Variants in PTPRD observed in about 807,000 individuals in gnomAD.
PTPRD encodes the protein protein tyrosine phosphatase receptor type D.
PTPRD carries 34 observed loss-of-function variants against 214.5 expected under a neutral mutation model. The observed-to-expected ratio is 0.16, with a 90% CI of 0.12 to 0.21. PTPRD has a LOEUF of 0.21. PTPRD is among the 10% of genes least tolerant of loss of function. The pLI, the probability that PTPRD is intolerant of heterozygous loss-of-function variation, is 1.00. For missense variants in PTPRD, 2,545 were observed against 2,398.7 expected (o/e 1.06, Z -1.27); for synonymous variants, 1,128 against 845.7 (o/e 1.33, Z -5.79).
At chr9:9,785,866 G>C (rs923029857) in intron 5 of PTPRD, among the ~76,000 whole-genome samples, 2 of 152,038 alleles carry the variant, frequency 1.3e-5, no homozygotes, top group Non-Finnish European at 2.9e-5. Context: ...CACAATTCCT[G>C]CTAGTCAATA....
At chr9:10,173,466 T>C (rs959630494) in intron 3 of PTPRD, among the ~76,000 whole-genome samples, 1 of 152,184 alleles carries the variant, frequency 6.6e-6, no homozygotes, top group Non-Finnish European at 1.5e-5. Context: ...CATACTGTTA[T>C]GATCTCATCA....
At chr9:9,895,027 G>C (rs1426254046) in intron 5 of PTPRD, among the ~76,000 whole-genome samples, 2 of 151,924 alleles carry the variant, frequency 1.3e-5, no homozygotes, top group Non-Finnish European at 1.5e-5. Flanking sequence ...GTACACAATG[G>C]GTTGAAATAA....
intron 9 of PTPRD, among the ~76,000 whole-genome samples, chr9:9,365,679 G>C (rs1436672138): frequency 1.3e-5 from 2 of 151,322 alleles, no homozygotes; most frequent in Non-Finnish European, 3.0e-5. Flanking sequence ...TATTAAATGG[G>C]CTTAAATAGA....
At chr9:9,998,944 T>C (rs1195321413) in intron 4 of PTPRD, among the ~76,000 whole-genome samples, 1 of 152,186 alleles carries the variant, frequency 6.6e-6, no homozygotes, top group Non-Finnish European at 1.5e-5. Flanking sequence ...ATCCTCAGTT[T>C]TTTTTCCTTC....
intron 11 of PTPRD, among the ~76,000 whole-genome samples, chr9:8,742,397 T>C (rs1316186733): frequency 6.6e-6 from 1 of 152,198 alleles, no homozygotes; most frequent in African/African-American, 2.4e-5. Context: ...CTTGGCATTT[T>C]TCAAGAATAC....
intron 2 of PTPRD, among the ~76,000 whole-genome samples, chr9:10,588,696 T>A (rs1029792693): frequency 6.6e-6 from 1 of 151,978 alleles, no homozygotes; most frequent in Non-Finnish European, 1.5e-5. Flanking sequence ...GAAATTATCA[T>A]CTTTGATATT....
intron 43 of PTPRD, among the ~76,000 whole-genome samples, chr9:8,338,314 C>A (rs1848972640): frequency 6.6e-6 from 1 of 152,046 alleles, no homozygotes; most frequent in Non-Finnish European, 1.5e-5. Flanking sequence ...GAACCTTGGA[C>A]TCAACAATCC....
At chr9:10,394,045 A>C (rs2098121938) in intron 2 of PTPRD, among the ~76,000 whole-genome samples, 1 of 146,170 alleles carries the variant, frequency 6.8e-6, no homozygotes, top group South Asian at 2.1e-4. Flanking sequence ...ATAGATACCC[A>C]TATATACATA....
intron 2 of PTPRD, among the ~76,000 whole-genome samples, chr9:10,378,000 G>T (rs1460939614): frequency 6.6e-6 from 1 of 151,954 alleles, no homozygotes; most frequent in Non-Finnish European, 1.5e-5. Flanking sequence ...TCTCCATAGT[G>T]GTCGTATTAA....
chr9:10,600,897 C>G (rs985636841), intron 2 of PTPRD, among the ~76,000 whole-genome samples: 8 of 151,700 alleles, frequency 5.3e-5, no homozygotes, highest in African/African-American at 1.2e-4. Flanking sequence ...AAATATGAGA[C>G]AGCCTCTCCA....
intron 8 of PTPRD, among the ~76,000 whole-genome samples, chr9:9,569,750 G>A (rs1451812897): frequency 2.0e-5 from 3 of 151,536 alleles, no homozygotes; most frequent in Admixed American, 6.6e-5. Context: ...TCGGGAACGG[G>A]GGAAGGCTAG....
At chr9:9,414,651 C>A (rs2076483760) in intron 8 of PTPRD, 1 of 152,164 alleles carries the variant, frequency 6.6e-6, no homozygotes, top group Non-Finnish European at 1.5e-5. Flanking sequence ...ACCATCATAT[C>A]AAATTACATG....
chr9:10,476,614 T>G (rs1456894415), intron 2 of PTPRD, among the ~76,000 whole-genome samples: 4 of 152,114 alleles, frequency 2.6e-5, no homozygotes, highest in Non-Finnish European at 5.9e-5. Flanking sequence ...CCATTGACCT[T>G]CTTCACAGAG....
chr9:8,808,917 C>T (rs1165980978), intron 11 of PTPRD, among the ~76,000 whole-genome samples: 4 of 152,132 alleles, frequency 2.6e-5, no homozygotes, highest in Non-Finnish European at 5.9e-5. Flanking sequence ...ACAGTGTTTA[C>T]ACTTCCTGAT....
intron 2 of PTPRD, among the ~76,000 whole-genome samples, chr9:10,404,043 T>G (rs964266636): frequency 7.9e-5 from 12 of 151,688 alleles, no homozygotes; most frequent in African/African-American, 2.9e-4. Flanking sequence ...AATCCACCAC[T>G]CTGGTGGAGG....
chr9:10,181,426 T>C (rs1292470940), intron 3 of PTPRD, among the ~76,000 whole-genome samples: 3 of 152,150 alleles, frequency 2.0e-5, no homozygotes, highest in Non-Finnish European at 2.9e-5. Flanking sequence ...ACATTGTGGA[T>C]ATCTGTTTTT....
At chr9:8,343,172 A>G (rs1282020809) in intron 39 of PTPRD, among the ~76,000 whole-genome samples, 1 of 152,070 alleles carries the variant, frequency 6.6e-6, no homozygotes, top group Non-Finnish European at 1.5e-5. Context: ...ACAAAATAAT[A>G]CCTTTATTTA....
At chr9:9,957,115 C>T (rs1449323391) in intron 4 of PTPRD, among the ~76,000 whole-genome samples, 1 of 152,068 alleles carries the variant, frequency 6.6e-6, no homozygotes, top group Non-Finnish European at 1.5e-5. Context: ...AAAGCATGCC[C>T]ACTGTATTCA....
chr9:9,468,588 C>T (rs1309872666), intron 8 of PTPRD, among the ~76,000 whole-genome samples: 1 of 151,998 alleles, frequency 6.6e-6, no homozygotes, highest in Admixed American at 6.6e-5. Context: ...GTCTTTATTT[C>T]ATAAACATGC....
Sources: allele counts gnomAD v4.1 joint callset (sites outside exome capture counted in the v4.1 genomes callset), GRCh38; gene constraint gnomAD v4.1.1; transcripts MANE v1.5; gene names NCBI Gene and HGNC (gene_info 2026-07-23, HGNC 2026-07-21).